Variants in HMGCLL1 observed in about 807,000 individuals in gnomAD.
HMGCLL1 encodes the protein 3-hydroxy-3-methylglutaryl-CoA lyase like 1.
In HMGCLL1, 36 loss-of-function variants were observed where a neutral mutation model predicts 39.1. The observed-to-expected ratio is 0.92, with a 90% CI of 0.71 to 1.22. The LOEUF (loss-of-function observed/expected upper bound fraction) is 1.22, where lower values mean the gene tolerates loss of function less well. HMGCLL1 is among the 50% of genes most tolerant of loss of function. The probability of loss-of-function intolerance (pLI) is 0.00; values close to 1 mark genes in which losing one functional copy is unlikely to be tolerated. For missense variants in HMGCLL1, 451 were observed against 416.5 expected, an observed-to-expected ratio of 1.08 and a Z score of -0.72; for synonymous variants, 149 against 144.0, an observed-to-expected ratio of 1.03 and a Z score of -0.25.
intron 1 of HMGCLL1, among the ~76,000 whole-genome samples, chr6:55,549,580 G>A (rs776920333): frequency 6.6e-6 from 1 of 151,922 alleles, no homozygotes; most frequent in African/African-American, 2.4e-5. Context: ...TAGCCACAAA[G>A]TTGAAGGAAA....
At chr6:55,603,464 AT>A in the HMGCLL1 span, among the ~76,000 whole-genome samples, 1 of 52,114 alleles carries the variant, frequency 1.9e-5, no homozygotes, top group African/African-American at 4.9e-5. Context: ...AGTTGTTCTC[AT>A]TGCTCAGGGA....
Position 55,495,527 on chromosome 6 carries a change from C to G in HMGCLL1, c.687G>C (p.Met229Ile), listed in dbSNP as rs775838796. 6.2e-7 allele frequency: 1 copy of G among 1,613,904 alleles called. No individual in the cohort carries two copies. Among genetic ancestry groups the G allele is most frequent in the East Asian group, 2.2e-5 (1 of 44,840 alleles). Residue 229 changes from methionine to isoleucine, a missense_variant, in exon 7 of 9, where the codon ATG (methionine) becomes ATC (isoleucine). Met to Ile is a conservative substitution (Grantham distance 10, BLOSUM62 1). Coordinates refer to ENST00000274901, the MANE Select transcript of HMGCLL1 (RefSeq NM_001042406.2). ...DTIGVGTPGS[M>I]KRMLESVMKE... ...TCATCACACTTTCCAACATTCTTTT[C>G]ATACTTCCTGGAGTTCCCACTCCAA...
rs1561950383 is a variant in HMGCLL1, at chr6:55,543,157, T to TA, written c.109-1018_109-1017insT. 5.3e-3 allele frequency among the ~76,000 whole-genome samples: 35 copies of TA among 6,604 alleles called. 7 individuals are homozygous for TA. Among genetic ancestry groups the TA allele is most frequent in the Non-Finnish European group, 8.9e-3 (24 of 2,688 alleles). 4.3% of individuals were successfully genotyped at this position (6,604 alleles called of 152,430 possible). On this transcript the variant is annotated intron_variant, in intron 1 of 8. Transcript: ENST00000274901. The stretch of plus-strand genomic sequence containing the variant: ...TATGATATATTATATATTATATATA[T>TA]TATATATATAATATATAATATATAA...
the HMGCLL1 span, among the ~76,000 whole-genome samples, chr6:55,622,911 A>G: frequency 6.6e-6 from 1 of 151,800 alleles, no homozygotes; most frequent in Admixed American, 6.6e-5. Flanking sequence ...TTGCTGGGAG[A>G]CTTTTTATTA....
At chr6:55,551,929 T>C (rs1770348603) in intron 1 of HMGCLL1, among the ~76,000 whole-genome samples, 1 of 152,054 alleles carries the variant, frequency 6.6e-6, no homozygotes, top group African/African-American at 2.4e-5. Flanking sequence ...CAGTGCTATA[T>C]TCATTCACCT....
chr6:55,527,969 A>G (rs1462561070), intron 3 of HMGCLL1, among the ~76,000 whole-genome samples: 20 of 152,010 alleles, frequency 1.3e-4, no homozygotes, highest in Admixed American at 1.3e-3. Flanking sequence ...CTGTTTAATC[A>G]ACTATCCTAA....
chr6:55,582,237 TCTTA>T (rs1470421998), upstream of HMGCLL1, among the ~76,000 whole-genome samples: 3 of 152,176 alleles, frequency 2.0e-5, no homozygotes, highest in African/African-American at 7.2e-5. Flanking sequence ...CAATAACAGT[TCTTA>T]CTTGTTGCCA....
rs140832280 is a variant in HMGCLL1 at position 55,494,826 on chromosome 6, T to C, written c.795+593A>G. On this transcript the variant is annotated intron_variant, in intron 7 of 8. Transcript: ENST00000274901. ...ACAGCTATTCTTTCAAATGAATACA[T>C]TTAAAATAACACAGAGTATAATAAG... Among the ~76,000 whole-genome samples, 5 of 152,296 alleles carry C rather than the reference T, an allele frequency of 3.3e-5. No homozygotes were observed. The East Asian group carries it at 9.6e-4, about 29-fold the overall frequency.
the HMGCLL1 span, among the ~76,000 whole-genome samples, chr6:55,586,247 A>G: frequency 1.3e-5 from 2 of 152,080 alleles, no homozygotes; most frequent in African/African-American, 2.4e-5. Flanking sequence ...AACTATGATA[A>G]TAAGAGAACA....
chr6:55,467,527 C>T (rs188925900), intron 7 of HMGCLL1, among the ~76,000 whole-genome samples: 50 of 152,124 alleles, frequency 3.3e-4, no homozygotes, highest in African/African-American at 1.2e-3. Flanking sequence ...CAGAGAGCTT[C>T]TGAATTTTAA....
the HMGCLL1 span, among the ~76,000 whole-genome samples, chr6:55,635,354 A>G: frequency 1.3e-5 from 2 of 152,096 alleles, no homozygotes; most frequent in Non-Finnish European, 2.9e-5. Context: ...AGTATGAAAC[A>G]TTGCAGAACT....
the HMGCLL1 span, among the ~76,000 whole-genome samples, chr6:55,658,844 G>C: frequency 2.0e-5 from 3 of 151,856 alleles, no homozygotes; most frequent in South Asian, 6.2e-4. Flanking sequence ...TATAAACTTT[G>C]TAGGTACTAT....
At chr6:55,650,096 T>TACACAC in the HMGCLL1 span, among the ~76,000 whole-genome samples, 4 of 17,000 alleles carry the variant, frequency 2.4e-4, no homozygotes, top group African/African-American at 5.8e-4. Flanking sequence ...TATACATATA[T>TACACAC]ATATATATAT....
intron 1 of HMGCLL1, among the ~76,000 whole-genome samples, chr6:55,550,771 C>A (rs1447200568): frequency 6.6e-6 from 1 of 151,364 alleles, no homozygotes; most frequent in African/African-American, 2.4e-5. Context: ...AATTTTGCAC[C>A]CCAAGGGACA....
intron 7 of HMGCLL1, among the ~76,000 whole-genome samples, chr6:55,485,320 TG>T (rs111879801): frequency 7.2e-5 from 11 of 151,840 alleles, no homozygotes; most frequent in African/African-American, 2.4e-4. Flanking sequence ...GTGTGTGTGT[TG>T]GGGGGGTGTT....
At chr6:55,489,710 T>TA (rs1449527371) in intron 7 of HMGCLL1, among the ~76,000 whole-genome samples, 1 of 152,084 alleles carries the variant, frequency 6.6e-6, no homozygotes, top group Non-Finnish European at 1.5e-5. Flanking sequence ...CAATTAGTGA[T>TA]AAAAACAAAG....
chr6:55,564,403 T>C (rs534644935), intron 1 of HMGCLL1, among the ~76,000 whole-genome samples: 1 of 152,220 alleles, frequency 6.6e-6, no homozygotes, highest in African/African-American at 2.4e-5. Context: ...TTCCTTTTTT[T>C]ATTATACTTT....
At chr6:55,541,536 TAGTATAA>T (rs1476574459) in intron 3 of HMGCLL1, among the ~76,000 whole-genome samples, 186 bp downstream of exon 3, 5 of 152,170 alleles carry the variant, frequency 3.3e-5, no homozygotes, top group African/African-American at 9.7e-5. Flanking sequence ...CACACAGGCT[TAGTATAA>T]AGTTCTAAGT....
the HMGCLL1 span, among the ~76,000 whole-genome samples, chr6:55,626,825 C>G: frequency 2.7e-4 from 41 of 152,094 alleles, no homozygotes; most frequent in African/African-American, 9.4e-4. Flanking sequence ...AAAGGAGTCA[C>G]AGTGTTGGCT....
Sources: allele counts gnomAD v4.1 joint callset (sites outside exome capture counted in the v4.1 genomes callset), GRCh38; gene constraint gnomAD v4.1.1; transcripts MANE v1.5; gene names NCBI Gene and HGNC (gene_info 2026-07-23, HGNC 2026-07-21).